MRPS28: variants seen among roughly 807,000 people sequenced by gnomAD.
The protein encoded by MRPS28 is small ribosomal subunit protein bS1m.
In MRPS28, 7 loss-of-function variants were observed where a neutral mutation model predicts 10.8. The ratio of observed to expected loss-of-function variants is 0.65; its 90% CI spans 0.37 to 1.22. MRPS28 has a LOEUF of 1.22. Ranked by LOEUF, MRPS28 falls within the 50% of genes most tolerant of loss-of-function variation. The probability of loss-of-function intolerance (pLI) is 0.02; values close to 1 mark genes in which losing one functional copy is unlikely to be tolerated. For missense variants in MRPS28, 265 were observed against 232.9 expected (o/e 1.14, Z -0.90); for synonymous variants, 121 against 93.3 (o/e 1.30, Z -1.71).
chr8:79,944,221 T>C (rs148496194), intron 2 of MRPS28, among the ~76,000 whole-genome samples: 21 of 152,370 alleles, frequency 1.4e-4, no homozygotes, highest in African/African-American at 4.8e-4. Flanking sequence ...ATGGATGTTT[T>C]TTCCTTATGG....
At chr8:79,956,197 T>C (rs1807204973) in intron 2 of MRPS28, among the ~76,000 whole-genome samples, 2 of 152,094 alleles carry the variant, frequency 1.3e-5, no homozygotes, top group South Asian at 4.1e-4. Context: ...CTGCTCATCT[T>C]ATCTTACAAT....
intron 1 of MRPS28, chr8:80,029,814 C>T (rs1214335537): frequency 1.8e-5 from 28 of 1,529,314 alleles, no homozygotes; most frequent in East Asian, 2.5e-5. Flanking sequence ...ACAGACCCGG[C>T]CCAGTACGCA....
chr8:79,946,508 C>T (rs949671210), intron 2 of MRPS28, among the ~76,000 whole-genome samples: 1 of 151,926 alleles, frequency 6.6e-6, no homozygotes, highest in Non-Finnish European at 1.5e-5. Flanking sequence ...CAAAATTAGA[C>T]CTAGTTATTA....
intron 2 of MRPS28, among the ~76,000 whole-genome samples, chr8:79,950,207 T>A (rs941097886): frequency 2.6e-5 from 4 of 152,152 alleles, no homozygotes; most frequent in African/African-American, 9.7e-5. Context: ...AACAAATGCT[T>A]AACTAATTTT....
intron 2 of MRPS28, among the ~76,000 whole-genome samples, chr8:79,998,065 A>AG (rs1554573535): frequency 1.2e-4 from 18 of 151,752 alleles, no homozygotes; most frequent in East Asian, 7.7e-4. Flanking sequence ...AAAAAAAAAA[A>AG]AAAGAAAGAA....
intron 2 of MRPS28, among the ~76,000 whole-genome samples, chr8:79,979,447 T>C (rs1807891930): frequency 6.6e-6 from 1 of 152,154 alleles, no homozygotes; most frequent in African/African-American, 2.4e-5. Context: ...AAATGAAAAC[T>C]GAAGTCTGGC....
intron 2 of MRPS28, among the ~76,000 whole-genome samples, chr8:79,978,125 G>C (rs965671191): frequency 2.0e-5 from 3 of 152,134 alleles, no homozygotes; most frequent in Non-Finnish European, 1.5e-5. Context: ...ATTTATTAGA[G>C]ACTGACAGCT....
intron 1 of MRPS28, among the ~76,000 whole-genome samples, chr8:80,023,856 T>G (rs1809432961): frequency 6.6e-6 from 1 of 152,160 alleles, no homozygotes; most frequent in South Asian, 2.1e-4. Flanking sequence ...TCTACAAATT[T>G]ATATTGTCTA....
chr8:79,946,744 C>A lies in MRPS28; in HGVS notation c.396-27596G>T, dbSNP rs79564702. 2.7e-3 allele frequency among the ~76,000 whole-genome samples: 408 copies of A among 152,116 alleles called. 6 individuals carry two copies. Among genetic ancestry groups the A allele is most frequent in the African/African-American group, 9.1e-3 (376 of 41,526 alleles). The stretch of plus-strand genomic sequence containing the variant: ...CTAACCTTTTCAGTATGGAAAAAAA[C>A]GCTTCTCAGCAAGTCATTAATTCTA... On this transcript the variant is annotated intron_variant, in intron 2 of 2. Coordinates refer to ENST00000276585, the MANE Select transcript of MRPS28 (RefSeq NM_014018.3).
At position 80,030,064 on chromosome 8, in the gene MRPS28, A is replaced by AGCTCCGAGTGCC. The variant is rs1809615127; in HGVS notation, c.173_184dup (p.Arg58_Glu61dup). 1.2e-6 allele frequency: 2 copies of AGCTCCGAGTGCC among 1,609,166 alleles called. 1 individual carries two copies. Among genetic ancestry groups the AGCTCCGAGTGCC allele is most frequent in the South Asian group, 2.2e-5 (2 of 90,952 alleles). ...CTGTAGGGGCTCCACCTTCTGTAGA[A>AGCTCCGAGTGCC]GCTCCGAGTGCCGCTCCAACGCGCT... is the stretch of plus-strand genomic sequence containing the variant. On this transcript the variant is annotated inframe_insertion, in exon 1 of 3. Coordinates refer to ENST00000276585, the MANE Select transcript of MRPS28 (RefSeq NM_014018.3).
At position 79,921,398 on chromosome 8, in the gene MRPS28, C is replaced by G. The variant is rs1384791396; in HGVS notation, c.396-2250G>C. ...CCTTGGGCAGTATGGCCATTTTCAC[C>G]ATATTGATTCTTCCTACCCATGAGC... On this transcript the variant is annotated intron_variant, in intron 2 of 2. Coordinates refer to ENST00000276585, the MANE Select transcript of MRPS28 (RefSeq NM_014018.3). 3.3e-5 allele frequency among the ~76,000 whole-genome samples: 5 copies of G among 151,954 alleles called. No homozygotes were observed. The East Asian group carries it at 5.8e-4, about 18-fold the overall frequency.
Position 79,980,195 on chromosome 8 carries a change from G to C in MRPS28, c.395+22804C>G, listed in dbSNP as rs553532946. Among the ~76,000 whole-genome samples, 7 of 152,226 alleles carry C rather than the reference G, an allele frequency of 4.6e-5. No homozygotes were observed. In the South Asian group the frequency reaches 1.5e-3, roughly 32 times the overall value. On this transcript the variant is annotated intron_variant, in intron 2 of 2. Transcript: ENST00000276585. ...ACCAGTACTTTGATAGCACTTTGGG[G>C]GTAAGTACTATCTTCAACCACTTTA...
chr8:80,014,759 C>T (rs80327209), intron 1 of MRPS28, among the ~76,000 whole-genome samples: 2,623 of 152,210 alleles, frequency 0.017, 76 homozygotes, highest in African/African-American at 0.058. Context: ...GACTCAGTCA[C>T]CACCATCAAG....
At chr8:79,977,638 G>A (rs1231745432) in intron 2 of MRPS28, among the ~76,000 whole-genome samples, 4 of 152,084 alleles carry the variant, frequency 2.6e-5, no homozygotes, top group African/African-American at 9.7e-5. Flanking sequence ...CCAACATGGC[G>A]AAATCCCATC....
At chr8:79,937,717 C>T (rs938477129) in intron 2 of MRPS28, among the ~76,000 whole-genome samples, 2 of 152,176 alleles carry the variant, frequency 1.3e-5, no homozygotes, top group African/African-American at 2.4e-5. Flanking sequence ...CCTTACACCA[C>T]CAAACTGGAT....
At position 80,001,948 on chromosome 8, in the gene MRPS28, T is replaced by C. The variant is rs887353563; in HGVS notation, c.395+1051A>G. 4.5e-4 allele frequency among the ~76,000 whole-genome samples: 69 copies of C among 152,084 alleles called. 1 individual carries two copies. Among genetic ancestry groups the C allele is most frequent in the Non-Finnish European group, 1.8e-4 (12 of 67,988 alleles). On this transcript the variant is annotated intron_variant, in intron 2 of 2. Coordinates refer to ENST00000276585, the MANE Select transcript of MRPS28 (RefSeq NM_014018.3). ...CTGGGAGTATTTCACATTACAGAAA[T>C]TGGGGCTTTTTTTTTTAATCAACTA...
Position 79,996,857 on chromosome 8 carries a change from A to T in MRPS28, c.395+6142T>A, listed in dbSNP as rs1383142713. On this transcript the variant is annotated intron_variant, in intron 2 of 2. Coordinates refer to ENST00000276585, the MANE Select transcript of MRPS28 (RefSeq NM_014018.3). Reference sequence around the variant, plus strand: ...AGTTACTATATATTGTATGATTTAGAGTGAAGCACAGCGGGGTGAAAAGAA... The same window carrying T: ...AGTTACTATATATTGTATGATTTAGTGTGAAGCACAGCGGGGTGAAAAGAA... 3.3e-5 allele frequency among the ~76,000 whole-genome samples: 5 copies of T among 152,230 alleles called. 1 individual carries two copies. The South Asian group carries it at 1.0e-3, about 32-fold the overall frequency.
chr8:79,919,027 G>A lies in MRPS28; in HGVS notation c.517C>T (p.Gln173Ter), dbSNP rs767225773. 1 of 1,591,562 alleles carries A rather than the reference G, an allele frequency of 6.3e-7. No individual in the cohort carries two copies. The highest frequency in any genetic ancestry group is 8.5e-7 in the Non-Finnish European group (1 of 1,171,378). ...TTCGATCTTGAGTCTTTACTCTCCT[G>A]GATTCCCAAGAGAACTGCATTAGCC... ...LEANAVLLGI[Q>*]ESKDSRSKEE... Residue 173 changes from glutamine to a stop codon, truncating the protein, a stop_gained, in exon 3 of 3, where the codon CAG becomes TAG. Coordinates refer to ENST00000276585, the MANE Select transcript of MRPS28 (RefSeq NM_014018.3). LOFTEE classifies it high-confidence loss of function.
intron 1 of MRPS28, among the ~76,000 whole-genome samples, chr8:80,012,558 A>C (rs1245019405): frequency 6.6e-6 from 1 of 152,222 alleles, no homozygotes; most frequent in Non-Finnish European, 1.5e-5. Flanking sequence ...CATAGAGCTC[A>C]GTGCCTAACC....
Sources: allele counts gnomAD v4.1 joint callset (sites outside exome capture counted in the v4.1 genomes callset), GRCh38; gene constraint gnomAD v4.1.1; transcripts MANE v1.5; gene names NCBI Gene and HGNC (gene_info 2026-07-23, HGNC 2026-07-21).